NFATC2: variants seen among roughly 807,000 people sequenced by gnomAD.
NFATC2 encodes nuclear factor of activated T cells 2, also known as nuclear factor of activated T-cells, cytoplasmic 2.
NFATC2 carries 22 observed loss-of-function variants against 87.3 expected under a neutral mutation model. That is an observed-to-expected ratio of 0.25 (90% CI 0.18 to 0.36). The LOEUF (loss-of-function observed/expected upper bound fraction) is 0.36, where lower values mean the gene tolerates loss of function less well. Ranked by LOEUF, NFATC2 falls within the 10% of genes least tolerant of loss-of-function variation. The pLI, the probability that NFATC2 is intolerant of heterozygous loss-of-function variation, is 1.00. For missense variants in NFATC2, 1,149 were observed against 1,259.1 expected, an observed-to-expected ratio of 0.91 and a Z score of 1.32; for synonymous variants, 565 against 542.2, an observed-to-expected ratio of 1.04 and a Z score of -0.58.
chr20:51,532,887 T>C (rs1417659513), intron 1 of NFATC2, among the ~76,000 whole-genome samples: 3 of 152,108 alleles, frequency 2.0e-5, no homozygotes, highest in African/African-American at 7.2e-5. Context: ...CTTGAGTGGC[T>C]GGGAAGAGAG....
intron 2 of NFATC2, among the ~76,000 whole-genome samples, chr20:51,520,127 A>T (rs985354241): frequency 6.6e-6 from 1 of 152,136 alleles, no homozygotes; most frequent in African/African-American, 2.4e-5. Flanking sequence ...GAACTAAAGG[A>T]CTCTGACACT....
intron 3 of NFATC2, 47 bp downstream of exon 3, chr20:51,516,737 T>C (rs1182307267): frequency 6.5e-7 from 1 of 1,546,842 alleles, no homozygotes; most frequent in African/African-American, 1.4e-5. Context: ...AGTGAATCTC[T>C]TAGTGACAAA....
intron 10 of NFATC2, among the ~76,000 whole-genome samples, chr20:51,392,560 G>A (rs1986480614): frequency 6.6e-6 from 1 of 152,142 alleles, no homozygotes; most frequent in Non-Finnish European, 1.5e-5. Flanking sequence ...CCTAAGGTAT[G>A]TCTACACCTT....
intron 1 of NFATC2, among the ~76,000 whole-genome samples, chr20:51,548,597 T>C (rs138672962): frequency 6.6e-6 from 1 of 152,352 alleles, no homozygotes; most frequent in African/African-American, 2.4e-5. Context: ...GGGACAGACA[T>C]AAACTAAGAA....
intron 1 of NFATC2, among the ~76,000 whole-genome samples, chr20:51,549,815 C>T (rs1034643706): frequency 6.6e-6 from 1 of 152,236 alleles, no homozygotes; most frequent in Non-Finnish European, 1.5e-5. Context: ...CAGAGTCACA[C>T]GGCATTCCGC....
chr20:51,556,503 A>C (rs1359288807), intron 1 of NFATC2, among the ~76,000 whole-genome samples: 1 of 152,162 alleles, frequency 6.6e-6, no homozygotes, highest in African/African-American at 2.4e-5. Context: ...TATCTGCCTC[A>C]TTCACCGCTG....
intron 6 of NFATC2, among the ~76,000 whole-genome samples, chr20:51,451,642 G>C (rs1387783595): frequency 6.6e-6 from 1 of 152,238 alleles, no homozygotes; most frequent in Non-Finnish European, 1.5e-5. Flanking sequence ...AGAGAGCAAA[G>C]CTTCATCTGT....
intron 3 of NFATC2, among the ~76,000 whole-genome samples, chr20:51,505,461 A>G (rs927266609): frequency 3.4e-5 from 5 of 148,424 alleles, no homozygotes; most frequent in African/African-American, 7.6e-5. Context: ...AGGTGTGTGT[A>G]TATATATATA....
chr20:51,448,072 G>A (rs1418316102), intron 6 of NFATC2, among the ~76,000 whole-genome samples: 1 of 152,216 alleles, frequency 6.6e-6, no homozygotes, highest in Non-Finnish European at 1.5e-5. Context: ...GGACCACTCT[G>A]GATGCTGAGG....
At chr20:51,517,646 GTGGCTCATGCCTGTAATCCC>G (rs2076374850) in intron 2 of NFATC2, among the ~76,000 whole-genome samples, 1 of 151,988 alleles carries the variant, frequency 6.6e-6, no homozygotes, top group East Asian at 1.9e-4. Flanking sequence ...GCTGGGTGCA[GTGGCTCATGCCTGTAATCCC>G]AACACTATGG....
chr20:51,478,372 A>C (rs2146529794), intron 3 of NFATC2, among the ~76,000 whole-genome samples: 1 of 152,336 alleles, frequency 6.6e-6, no homozygotes, highest in South Asian at 2.1e-4. Context: ...ATCAAGAAGA[A>C]AGGTAGGATG....
intron 1 of NFATC2, among the ~76,000 whole-genome samples, chr20:51,531,315 A>G (rs770317832): frequency 5.9e-5 from 9 of 152,244 alleles, no homozygotes; most frequent in Non-Finnish European, 1.3e-4. Flanking sequence ...CAGAAATGAG[A>G]CATCTTCTCA....
At position 51,555,143 on chromosome 20, in the gene NFATC2, G is replaced by A. The variant is rs569930952; in HGVS notation, c.70+7417C>T. Among the ~76,000 whole-genome samples, 5 of 152,268 alleles carry A rather than the reference G, an allele frequency of 3.3e-5. No individual in the cohort carries two copies. The South Asian group carries it at 8.3e-4, about 25-fold the overall frequency. ...GGACCACTGCAGCAGCCTCCTGTTT[G>A]CCTGCCTAGCATTCACTCTTACCTG... On this transcript the variant is annotated intron_variant, in intron 1 of 10. Coordinates refer to the NFATC2 transcript ENST00000414705.
rs536512335 is a variant in NFATC2 at position 51,523,115 on chromosome 20, G to T, written c.1126C>A (p.Pro376Thr). The T allele has an allele frequency of 1.0e-4, 166 of 1,614,232 alleles. No individual in the cohort carries two copies. In the South Asian group the frequency reaches 1.8e-3, roughly 17 times the overall value. The change falls in exon 2 of 11, where the codon CCC (proline) becomes ACC (threonine). Residue 376 changes from proline (P) to threonine (T), a missense_variant. Physicochemically the swap from Pro to Thr is conservative, Grantham distance 38 (BLOSUM62 -1). Coordinates refer to ENST00000371564, the MANE Select transcript of NFATC2 (RefSeq NM_012340.5). The surrounding 1 kb of genome is among the most constrained non-coding windows in gnomAD (Gnocchi z 6.9). ...GGAATGGCAGGCACCAGCGGCTTGG[G>T]CCAAGTGGGCGGAACCAGCAGGATG... Reference protein sequence around the residue: ...ESILLVPPTWPKPLVPAIPIC... With the variant: ...ESILLVPPTWTKPLVPAIPIC...
intron 9 of NFATC2, among the ~76,000 whole-genome samples, chr20:51,399,956 G>GCCAAAACCAATCTCTGGAT (rs1478764508): frequency 2.0e-5 from 3 of 152,122 alleles, no homozygotes; most frequent in Non-Finnish European, 4.4e-5. Flanking sequence ...ACTTCACAGG[G>GCCAAAACCAATCTCTGGAT]CCAAAACCAA....
upstream of NFATC2, among the ~76,000 whole-genome samples, chr20:51,547,172 G>A (rs903967592): frequency 6.6e-6 from 1 of 152,184 alleles, no homozygotes; most frequent in African/African-American, 2.4e-5. Flanking sequence ...GCAGGGGCAA[G>A]GGTTGAAGCC....
intron 9 of NFATC2, among the ~76,000 whole-genome samples, chr20:51,413,521 G>C (rs548611227): frequency 6.6e-6 from 1 of 152,210 alleles, no homozygotes; most frequent in African/African-American, 2.4e-5. Flanking sequence ...ACTTTGGGAG[G>C]CTGAGCTGGG....
Position 51,523,920 on chromosome 20 carries a change from C to G in NFATC2, c.321G>C (p.Ser107=), listed in dbSNP as rs568487915. 1.2e-5 allele frequency: 20 copies of G among 1,602,966 alleles called. No homozygotes were observed. Among genetic ancestry groups the G allele is most frequent in the Admixed American group, 7.2e-5 (4 of 55,740 alleles). ...TGATCTCGATCCGAGGGCTCAGGCC[C>G]GAGGCCCCTGCTGGCTTGGCCGCGC... The part of the protein sequence containing the change: ...FLSAAKPAGA[S]GLSPRIEITP... The change falls in exon 2 of 11, where the codon TCG becomes TCC. Residue 107 remains serine, a synonymous_variant. Coordinates refer to ENST00000371564, the MANE Select transcript of NFATC2 (RefSeq NM_012340.5). This position sits in a 1 kb window ranked among gnomAD's most constrained non-coding sequence, Gnocchi z 6.9.
upstream of NFATC2, among the ~76,000 whole-genome samples, chr20:51,544,405 G>A (rs558353231): frequency 2.6e-5 from 4 of 152,074 alleles, no homozygotes; most frequent in Admixed American, 6.6e-5. Context: ...CAAGTGATTC[G>A]AATCCTTCCC....
Sources: gnomAD v4.1 joint callset for allele counts (sites outside exome capture counted in the v4.1 genomes callset) on GRCh38, gnomAD v4.1.1 for gene constraint, Gnocchi (gnomAD v3.1) non-coding constraint, MANE v1.5 for transcripts, NCBI Gene and HGNC (gene_info 2026-07-23, HGNC 2026-07-21) for gene names.